Variants in GRK5 observed in about 807,000 individuals in gnomAD.
GRK5 encodes g protein-coupled receptor kinase GRK5.
In GRK5, 40 loss-of-function variants were observed where a neutral mutation model predicts 78.4. That is an observed-to-expected ratio of 0.51 (90% CI 0.40 to 0.66). The LOEUF is 0.66. Ranked by LOEUF, GRK5 falls within the 30% of genes least tolerant of loss-of-function variation. GRK5 has a pLI of 0.00. For synonymous variants in GRK5, 289 were observed against 296.8 expected (o/e 0.97, Z 0.27); for missense variants, 598 against 759.9 (o/e 0.79, Z 2.50).
intron 1 of GRK5, among the ~76,000 whole-genome samples, chr10:119,303,921 T>C (rs565822042): frequency 3.9e-5 from 6 of 152,264 alleles, no homozygotes; most frequent in African/African-American, 1.2e-4. Flanking sequence ...CATCTCCCAC[T>C]GCATGGTGTC....
At chr10:119,325,222 C>A (rs1020672) in intron 1 of GRK5, among the ~76,000 whole-genome samples, 1 of 152,098 alleles carries the variant, frequency 6.6e-6, no homozygotes. Flanking sequence ...GTTTTCCCTC[C>A]TTTCAGCTTT....
At chr10:119,423,143 C>T (rs1852603237) in intron 4 of GRK5, 23 bp from the exon 5 acceptor site, 4 of 1,546,428 alleles carry the variant, frequency 2.6e-6, no homozygotes, top group Non-Finnish European at 3.6e-6. Context: ...CACTGACCAC[C>T]TCCCTTCCCT....
chr10:119,258,524 T>C (rs776270569), intron 1 of GRK5, among the ~76,000 whole-genome samples: 3 of 152,252 alleles, frequency 2.0e-5, no homozygotes, highest in African/African-American at 4.8e-5. Flanking sequence ...CAAAGAGCTG[T>C]ACCGTCTTGC....
chr10:119,302,552 G>GT (rs1329973252), intron 1 of GRK5, among the ~76,000 whole-genome samples: 3 of 152,184 alleles, frequency 2.0e-5, no homozygotes, highest in Non-Finnish European at 4.4e-5. Flanking sequence ...CCTCTGGAGA[G>GT]TGGCGATTCC....
intron 2 of GRK5, among the ~76,000 whole-genome samples, chr10:119,373,561 G>A (rs1363939509): frequency 3.3e-5 from 5 of 152,214 alleles, no homozygotes; most frequent in African/African-American, 9.6e-5. Flanking sequence ...ACGTGGAACT[G>A]TGAGTCAAGT....
chr10:119,355,654 C>T (rs1160144399), intron 2 of GRK5, among the ~76,000 whole-genome samples: 3 of 152,164 alleles, frequency 2.0e-5, no homozygotes, highest in African/African-American at 4.8e-5. Flanking sequence ...GTGGCATGCA[C>T]CTGTAATCTC....
At chr10:119,337,235 C>A (rs1264255054) in intron 2 of GRK5, among the ~76,000 whole-genome samples, 1 of 152,164 alleles carries the variant, frequency 6.6e-6, no homozygotes, top group East Asian at 1.9e-4. Context: ...TCTCCCATTT[C>A]CAGATAAGTG....
chr10:119,323,697 T>C (rs544924118), intron 1 of GRK5, among the ~76,000 whole-genome samples: 1 of 152,328 alleles, frequency 6.6e-6, no homozygotes, highest in African/African-American at 2.4e-5. Context: ...TGAAATCTCC[T>C]CATTTTTATT....
At chr10:119,327,931 G>A (rs1449555028) in intron 2 of GRK5, among the ~76,000 whole-genome samples, 1 of 152,240 alleles carries the variant, frequency 6.6e-6, no homozygotes. Flanking sequence ...AGGGATTGGG[G>A]GCTCTGGGTC....
At chr10:119,320,863 T>A (rs1423326206) in intron 1 of GRK5, among the ~76,000 whole-genome samples, 1 of 152,130 alleles carries the variant, frequency 6.6e-6, no homozygotes, top group Admixed American at 6.5e-5. Context: ...CCCAGCCCCT[T>A]GTAGGCCTAA....
chr10:119,337,379 A>C (rs1197008510), intron 2 of GRK5, among the ~76,000 whole-genome samples: 1 of 152,200 alleles, frequency 6.6e-6, no homozygotes, highest in African/African-American at 2.4e-5. Flanking sequence ...TGGCTTAAGC[A>C]GCAGCAGTTT....
intron 1 of GRK5, among the ~76,000 whole-genome samples, chr10:119,226,209 A>C (rs1848735884): frequency 6.7e-6 from 1 of 149,570 alleles, no homozygotes. Flanking sequence ...CGAACTCCTG[A>C]CCTTGTGATC....
rs369856348 is a variant in GRK5, at chr10:119,397,590, C to T, written c.339+818C>T. Among the ~76,000 whole-genome samples the T allele has an allele frequency of 7.2e-5, 11 of 152,354 alleles. No individual in the cohort carries two copies. In the East Asian group the frequency reaches 1.9e-3, roughly 27 times the overall value. Reference sequence around the variant, plus strand: ...CGGGGCCAGTGGTGGCTTCACCCTGCTCAGGACCCTGTGGGCCAACCAGCT... The same window carrying T: ...CGGGGCCAGTGGTGGCTTCACCCTGTTCAGGACCCTGTGGGCCAACCAGCT... On this transcript the variant is annotated intron_variant, in intron 4 of 15. Coordinates refer to ENST00000392870, the MANE Select transcript of GRK5 (RefSeq NM_005308.3).
intron 1 of GRK5, among the ~76,000 whole-genome samples, chr10:119,305,123 C>T (rs1218331410): frequency 6.6e-6 from 1 of 152,116 alleles, no homozygotes; most frequent in Non-Finnish European, 1.5e-5. Flanking sequence ...TGAGCTTCAC[C>T]TTGTGGTTGG....
rs192341247 is a variant in GRK5, at chr10:119,367,866, C to G, written c.149-12949C>G. ...TTCAGGAGACCATCAGTTGCCTCCA[C>G]CTTCCGAGGCATTCATTTCTCCAGC... On this transcript the variant is annotated intron_variant, in intron 2 of 15. Transcript: ENST00000392870. 2.6e-3 allele frequency among the ~76,000 whole-genome samples: 390 copies of G among 152,370 alleles called. 3 individuals carry two copies. Among genetic ancestry groups the G allele is most frequent in the African/African-American group, 9.1e-3 (379 of 41,596 alleles).
chr10:119,405,946 T>C (rs1490684644), intron 4 of GRK5, among the ~76,000 whole-genome samples: 3 of 152,236 alleles, frequency 2.0e-5, no homozygotes, highest in Non-Finnish European at 4.4e-5. Context: ...CAGTATTGAT[T>C]TGTCATACAT....
chr10:119,343,205 C>T (rs1037179355), intron 2 of GRK5, among the ~76,000 whole-genome samples: 13 of 151,632 alleles, frequency 8.6e-5, no homozygotes, highest in African/African-American at 2.9e-4. Context: ...AGCCCAAGGG[C>T]GGGGTGGGGA....
intron 1 of GRK5, among the ~76,000 whole-genome samples, chr10:119,222,989 G>A (rs1467858995): frequency 6.6e-6 from 1 of 152,246 alleles, no homozygotes; most frequent in Non-Finnish European, 1.5e-5. Flanking sequence ...CCCAGGCTGT[G>A]TGTTTCCTAG....
chr10:119,218,006 C>T (rs1029238882), intron 1 of GRK5, among the ~76,000 whole-genome samples: 6 of 151,962 alleles, frequency 3.9e-5, no homozygotes, highest in Non-Finnish European at 5.9e-5. Context: ...AAGCTCTCTC[C>T]GGATGACCCC....
Sources: gnomAD v4.1 joint callset for allele counts (sites outside exome capture counted in the v4.1 genomes callset) on GRCh38, gnomAD v4.1.1 for gene constraint, MANE v1.5 for transcripts, NCBI Gene and HGNC (gene_info 2026-07-23, HGNC 2026-07-21) for gene names.